The following PCDHGA9 variants were observed in gnomAD, a reference collection of about 807,000 sequenced individuals.
PCDHGA9 encodes the protein protocadherin gamma-A9.
PCDHGA9 carries 37 observed loss-of-function variants against 62.5 expected under a neutral mutation model. That is an observed-to-expected ratio of 0.59 (90% CI 0.46 to 0.78). PCDHGA9 has a LOEUF of 0.78. PCDHGA9 is among the 30% of genes least tolerant of loss of function. The probability of loss-of-function intolerance (pLI) is 0.00; values close to 1 mark genes in which losing one functional copy is unlikely to be tolerated. For synonymous variants in PCDHGA9, 459 were observed against 484.6 expected, an observed-to-expected ratio of 0.95 and a Z score of 0.69; for missense variants, 1,138 against 1,166.2, an observed-to-expected ratio of 0.98 and a Z score of 0.35.
chr5:141,511,028 T>C lies in PCDHGA9; in HGVS notation c.2654T>C (p.Leu885Pro). ...GCCCGCTACGGACCCCAGTTCACCC[T>C]GCAGCACGTGCCCGACTACCGCCAG... ...LSARYGPQFTLQHVPDYRQNV... is the reference protein window; with the variant it reads ...LSARYGPQFTPQHVPDYRQNV... The change falls in exon 4 of 4, where the codon CTG becomes CCG. Residue 885 changes from leucine (L) to proline (P), a missense_variant. Leu to Pro is a moderately conservative substitution (Grantham distance 98, BLOSUM62 -3). Transcript: ENST00000573521. 1 of 1,614,202 alleles carries C rather than the reference T, an allele frequency of 6.2e-7. No homozygotes were observed. Among genetic ancestry groups the C allele is most frequent in the Non-Finnish European group, 8.5e-7 (1 of 1,180,028 alleles).
chr5:141,421,160 A>T, intron 1 of PCDHGA9: 1 of 1,250,104 alleles, frequency 8.0e-7, no homozygotes, highest in Non-Finnish European at 1.1e-6. Flanking sequence ...CTAGGACTTC[A>T]TAGATACATA....
At chr5:141,457,289 G>C (rs907200077) in intron 1 of PCDHGA9, among the ~76,000 whole-genome samples, 2 of 152,146 alleles carry the variant, frequency 1.3e-5, no homozygotes, top group African/African-American at 4.8e-5. Flanking sequence ...GAAGTTCCTT[G>C]GTTTTATTTT....
chr5:141,441,762 C>T (rs3805697), intron 1 of PCDHGA9: 63,073 of 367,490 alleles, frequency 0.17, 6,544 homozygotes, highest in Admixed American at 0.27. Context: ...CGTGAGCCTG[C>T]GCGTGTTGGT....
In PCDHGA9 at chr5:141,404,331, A is replaced by G. The variant is rs201757016; in HGVS notation, c.1379A>G (p.Tyr460Cys). Residue 460 changes from tyrosine (Y) to cysteine (C), a missense_variant, in exon 1 of 4, where the codon TAC becomes TGC. Tyr to Cys is a radical substitution (Grantham distance 194). Coordinates refer to ENST00000573521, the MANE Select transcript of PCDHGA9 (RefSeq NM_018921.3). The part of the protein sequence containing the change: ...PAFSQASYSV[Y>C]LPENNARGTS... ...TTCTCTCAAGCCTCCTACTCAGTCT[A>G]CCTCCCGGAAAACAACGCCAGAGGT... 101 of 1,613,692 alleles carry G rather than the reference A, an allele frequency of 6.3e-5. 1 individual carries two copies. The highest frequency in any genetic ancestry group is 6.0e-4 in the African/African-American group (45 of 74,944).
At chr5:141,418,603 G>A (rs769167342) in intron 1 of PCDHGA9, 7 of 1,613,902 alleles carry the variant, frequency 4.3e-6, no homozygotes, top group East Asian at 4.5e-5. Context: ...ACGTGTACAG[G>A]GTTAGCCTTC....
At chr5:141,501,287 T>C (rs1025193070) in intron 2 of PCDHGA9, among the ~76,000 whole-genome samples, 1 of 96,980 alleles carries the variant, frequency 1.0e-5, no homozygotes, top group African/African-American at 4.2e-5. Context: ...GGATATTCCC[T>C]TATACACACA....
intron 1 of PCDHGA9, chr5:141,409,428 C>T (rs2095264686): frequency 6.2e-7 from 1 of 1,613,870 alleles, no homozygotes; most frequent in Admixed American, 1.7e-5. Context: ...ACAGATGGAG[C>T]CCTGGACCGA....
intron 1 of PCDHGA9, among the ~76,000 whole-genome samples, chr5:141,462,745 TATG>T (rs1249238113): frequency 6.6e-6 from 1 of 152,262 alleles, no homozygotes; most frequent in Non-Finnish European, 1.5e-5. Flanking sequence ...CTGTAATTCC[TATG>T]ATGATTTTCT....
In PCDHGA9 at chr5:141,489,928, G is replaced by A. The variant is rs752861962; in HGVS notation, c.2425-4879G>A. ...CCGCTCAGGGACCACCCTTATCTCT[G>A]TCATCGTGCTGGACATCAATGATAA... On this transcript the variant is annotated intron_variant, in intron 1 of 3. Transcript: ENST00000573521. The surrounding 1 kb of genome is among the most constrained non-coding windows in gnomAD (Gnocchi z 4.5). 2 of 1,614,206 alleles carry A rather than the reference G, an allele frequency of 1.2e-6. No homozygotes were observed. Among genetic ancestry groups the A allele is most frequent in the Non-Finnish European group, 1.7e-6 (2 of 1,180,038 alleles).
At chr5:141,425,957 C>A (rs1317696447) in intron 1 of PCDHGA9, among the ~76,000 whole-genome samples, 1 of 152,140 alleles carries the variant, frequency 6.6e-6, no homozygotes, top group Non-Finnish European at 1.5e-5. Context: ...TACATTAGTC[C>A]AACACATCAG....
chr5:141,484,930 G>A (rs992641330), intron 1 of PCDHGA9: 2 of 501,452 alleles, frequency 4.0e-6, no homozygotes, highest in South Asian at 2.6e-5. Flanking sequence ...CTGCTGTTGG[G>A]ACGTTCTCTG....
At chr5:141,421,418 G>A (rs771088122) in intron 1 of PCDHGA9, 1 of 1,614,086 alleles carries the variant, frequency 6.2e-7, no homozygotes, top group Admixed American at 1.7e-5. Flanking sequence ...GCGAAGCGCG[G>A]AGTCCGCATC....
intron 1 of PCDHGA9, chr5:141,408,193 C>T (rs1280310689): frequency 6.5e-7 from 1 of 1,545,210 alleles, no homozygotes; most frequent in Non-Finnish European, 8.7e-7. Flanking sequence ...AGCGAGAACC[C>T]GAGCGAACGA....
intron 1 of PCDHGA9, among the ~76,000 whole-genome samples, chr5:141,473,195 C>T (rs1053769499): frequency 6.6e-6 from 1 of 152,104 alleles, no homozygotes; most frequent in African/African-American, 2.4e-5. Flanking sequence ...GTAAATGTAT[C>T]TTCTAAAAAA....
At chr5:141,422,881 T>G in intron 1 of PCDHGA9, 1 of 1,614,214 alleles carries the variant, frequency 6.2e-7, no homozygotes, top group East Asian at 2.2e-5. Flanking sequence ...GCTGAGCCTG[T>G]TCGTGCTGGA....
At chr5:141,458,787 C>A (rs968490647) in intron 1 of PCDHGA9, among the ~76,000 whole-genome samples, 1 of 152,004 alleles carries the variant, frequency 6.6e-6, no homozygotes, top group African/African-American at 2.4e-5. Flanking sequence ...GGCTGGAGTG[C>A]AGTGGTGTGA....
chr5:141,511,304 CTTGGGAAA>C lies in PCDHGA9; in HGVS notation c.*132_*139del. ...TGGTAGGGGCCAAGGCCATGCTCCC[CTTGGGAAA>C]CAGAAACAAGTGCCCAGTCAGCACC... is the stretch of plus-strand genomic sequence containing the variant. On this transcript the variant is annotated 3_prime_UTR_variant, in exon 4 of 4. Transcript: ENST00000573521. The C allele has an allele frequency of 2.0e-6, 3 of 1,490,438 alleles. No individual in the cohort carries two copies. The South Asian group carries it at 4.0e-5, about 20-fold the overall frequency. 92.3% of individuals were successfully genotyped at this position (1,490,438 alleles called of 1,614,324 possible). A position where few individuals can be genotyped will look rare whatever the true frequency, so the allele number is the denominator to read the frequency against.
Position 141,490,480 on chromosome 5 carries a change from C to G in PCDHGA9, c.2425-4327C>G. On this transcript the variant is annotated intron_variant, in intron 1 of 3. Coordinates refer to ENST00000573521, the MANE Select transcript of PCDHGA9 (RefSeq NM_018921.3). This position sits in a 1 kb window ranked among gnomAD's most constrained non-coding sequence, Gnocchi z 5.4. The stretch of plus-strand genomic sequence containing the variant: ...GCTGCTAACCAGCCAGCCTTTGGAC[C>G]GGGAGGCCACATCCCACTATATCAT... 2.5e-6 allele frequency: 4 copies of G among 1,614,194 alleles called. No homozygotes were observed. The highest frequency in any genetic ancestry group is 3.4e-6 in the Non-Finnish European group (4 of 1,180,050).
rs768990626 is a variant in PCDHGA9, at chr5:141,427,590, C to T, written c.2424+22214C>T. On this transcript the variant is annotated intron_variant, in intron 1 of 3. Coordinates refer to ENST00000573521, the MANE Select transcript of PCDHGA9 (RefSeq NM_018921.3). ...GCCTCCGCTCTCATCCAGCACAAGCCTCACCCTACGCATTGGTGAAGTCAA... is the reference window on the plus strand; with the variant it reads ...GCCTCCGCTCTCATCCAGCACAAGCTTCACCCTACGCATTGGTGAAGTCAA... 44 of 678,892 alleles carry T rather than the reference C, an allele frequency of 6.5e-5. No individual in the cohort carries two copies. In the Admixed American group the frequency reaches 8.5e-4, roughly 13 times the overall value. The allele number at this position is 678,892 out of a possible 1,614,324, so 42.1% of individuals were successfully genotyped here.
Sources: allele counts gnomAD v4.1 joint callset (sites outside exome capture counted in the v4.1 genomes callset), GRCh38; gene constraint gnomAD v4.1.1; non-coding constraint Gnocchi (gnomAD v3.1); transcripts MANE v1.5; gene names NCBI Gene and HGNC (gene_info 2026-07-23, HGNC 2026-07-21).